Variants in FGF1 observed in about 807,000 individuals in gnomAD.
FGF1 encodes fibroblast growth factor 1.
In FGF1, 9 loss-of-function variants were observed where a neutral mutation model predicts 13.4. The observed-to-expected ratio is 0.67, with a 90% confidence interval of 0.40 to 1.17. The LOEUF (loss-of-function observed/expected upper bound fraction) is 1.17, where lower values mean the gene tolerates loss of function less well. FGF1 is among the 50% of genes most tolerant of loss of function. The pLI is 0.01. For missense variants in FGF1, 156 were observed against 192.7 expected, an observed-to-expected ratio of 0.81 and a Z score of 1.13; for synonymous variants, 93 against 79.0, an observed-to-expected ratio of 1.18 and a Z score of -0.94.
chr5:142,622,703 C>T (rs762445811), intron 1 of FGF1, among the ~76,000 whole-genome samples: 1 of 152,208 alleles, frequency 6.6e-6, no homozygotes, highest in Non-Finnish European at 1.5e-5. Context: ...TGGCAGGGCC[C>T]CACCTTCCAC....
chr5:142,630,686 T>G (rs771209961), intron 1 of FGF1, among the ~76,000 whole-genome samples: 5 of 152,154 alleles, frequency 3.3e-5, no homozygotes, highest in Non-Finnish European at 5.9e-5. Flanking sequence ...TCCATATGGC[T>G]GCCTTCCTAC....
intron 1 of FGF1, among the ~76,000 whole-genome samples, chr5:142,623,560 G>C (rs1432280848): frequency 6.6e-6 from 1 of 151,930 alleles, no homozygotes; most frequent in East Asian, 1.9e-4. Flanking sequence ...TGTTGGCCAG[G>C]CTGGTCTCAA....
intron 1 of FGF1, among the ~76,000 whole-genome samples, chr5:142,616,488 A>G (rs1226263655): frequency 6.6e-6 from 1 of 152,202 alleles, no homozygotes; most frequent in Non-Finnish European, 1.5e-5. Context: ...AATACCACAT[A>G]TATGTAATTT....
At chr5:142,618,838 C>G (rs188942970) in intron 1 of FGF1, among the ~76,000 whole-genome samples, 11 of 151,160 alleles carry the variant, frequency 7.3e-5, no homozygotes, top group African/African-American at 2.7e-4. Context: ...TTGTGCCCAG[C>G]TTGGCCCTGG....
At chr5:142,641,148 T>C (rs188379673) in intron 1 of FGF1, among the ~76,000 whole-genome samples, 1 of 152,020 alleles carries the variant, frequency 6.6e-6, no homozygotes, top group Non-Finnish European at 1.5e-5. Context: ...CCAGTGGAGA[T>C]TGGCCAGGAT....
intron 1 of FGF1, among the ~76,000 whole-genome samples, chr5:142,643,152 C>A (rs899806610): frequency 6.6e-6 from 1 of 152,294 alleles, no homozygotes; most frequent in African/African-American, 2.4e-5. Flanking sequence ...TGCCTATCAA[C>A]AGATTTGCAA....
chr5:142,667,585 C>G (rs1446905623), intron 1 of FGF1, among the ~76,000 whole-genome samples: 4 of 62,086 alleles, frequency 6.4e-5, no homozygotes, highest in Non-Finnish European at 1.1e-4. Flanking sequence ...GACTCCGTCT[C>G]AAAAAAAAAA....
chr5:142,625,734 C>T (rs1168567068), intron 1 of FGF1, among the ~76,000 whole-genome samples: 1 of 152,234 alleles, frequency 6.6e-6, no homozygotes, highest in African/African-American at 2.4e-5. Context: ...GGCAGCCCTT[C>T]GCCACCTCCT....
At chr5:142,625,313 GACACACACACACACAC>G (rs59813387) in intron 1 of FGF1, among the ~76,000 whole-genome samples, 3 of 148,292 alleles carry the variant, frequency 2.0e-5, no homozygotes, top group South Asian at 2.2e-4. Flanking sequence ...ACTACAAGCG[GACACACACACACACAC>G]ACACACACAC....
intron 1 of FGF1, among the ~76,000 whole-genome samples, chr5:142,616,669 T>G (rs541559894): frequency 6.6e-6 from 1 of 152,204 alleles, no homozygotes; most frequent in Non-Finnish European, 1.5e-5. Context: ...TTCCTGTCTC[T>G]CCACTCACTC....
intron 2 of FGF1, among the ~76,000 whole-genome samples, chr5:142,608,718 TACACACACACATATATATC>T (rs1758370829): frequency 6.8e-6 from 1 of 146,874 alleles, no homozygotes; most frequent in African/African-American, 2.5e-5. Context: ...CATATATATA[TACACACACACATATATATC>T]ATATATATAT....
intron 1 of FGF1, among the ~76,000 whole-genome samples, chr5:142,635,605 C>T (rs2151938649): frequency 6.6e-6 from 1 of 152,366 alleles, no homozygotes; most frequent in Admixed American, 6.5e-5. Context: ...CTTACCCAAG[C>T]TGCATCTTGT....
intron 1 of FGF1, chr5:142,671,932 T>C (rs2152029269): frequency 6.6e-6 from 1 of 152,334 alleles, no homozygotes. Flanking sequence ...GAATGGAATT[T>C]AAACCCAGTT....
Position 142,646,917 on chromosome 5 carries a change from A to G in FGF1, c.-34-32756T>C, listed in dbSNP as rs369980523. Among the ~76,000 whole-genome samples, 13 of 152,304 alleles carry G rather than the reference A, an allele frequency of 8.5e-5. No individual in the cohort carries two copies. In the East Asian group the frequency reaches 1.5e-3, roughly 18 times the overall value. On this transcript the variant is annotated intron_variant, in intron 1 of 3. Transcript: ENST00000337706. The stretch of plus-strand genomic sequence containing the variant: ...CCTGGCCCACTGTGAAGCAAAATGT[A>G]TTAGGATAAATCAATCGGAGTTGAA...
intron 1 of FGF1, among the ~76,000 whole-genome samples, chr5:142,617,850 A>C (rs1039800989): frequency 1.3e-5 from 2 of 152,168 alleles, no homozygotes; most frequent in African/African-American, 4.8e-5. Flanking sequence ...GTTGGTCCAA[A>C]GTTCCTTGCC....
At chr5:142,689,563 G>A (rs1407144377), upstream of FGF1, among the ~76,000 whole-genome samples, 2 of 152,112 alleles carry the variant, frequency 1.3e-5, no homozygotes, top group African/African-American at 4.8e-5. Flanking sequence ...CTTGCCCGCC[G>A]CTGGTTAGCC....
rs551852436 is a variant in FGF1, at chr5:142,663,774, C to T, written c.-35+22183G>A. On this transcript the variant is annotated intron_variant, in intron 1 of 3. Coordinates refer to ENST00000337706, the MANE Select transcript of FGF1 (RefSeq NM_000800.5). ...TTAACATGCAGGAATTCTAGAAAAC[C>T]ATTAGCGATTTGATGTGAACAGAGC... Among the ~76,000 whole-genome samples, 57 of 152,268 alleles carry T rather than the reference C, an allele frequency of 3.7e-4. No individual in the cohort carries two copies. In the South Asian group the frequency reaches 0.011, roughly 30 times the overall value.
At chr5:142,695,596 A>AAAC (rs1752985928) in intron 2 of FGF1, among the ~76,000 whole-genome samples, 1 of 151,716 alleles carries the variant, frequency 6.6e-6, no homozygotes, top group African/African-American at 2.4e-5. Flanking sequence ...AGAAAAAAAA[A>AAAC]AAAAGAAAGA....
At chr5:142,611,809 T>G (rs1382181194) in intron 2 of FGF1, among the ~76,000 whole-genome samples, 1 of 152,174 alleles carries the variant, frequency 6.6e-6, no homozygotes, top group Admixed American at 6.5e-5. Context: ...GCCCCTTGAC[T>G]TTCCTGGGTG....
Sources: allele counts gnomAD v4.1 joint callset (sites outside exome capture counted in the v4.1 genomes callset), GRCh38; gene constraint gnomAD v4.1.1; transcripts MANE v1.5; gene names NCBI Gene and HGNC (gene_info 2026-07-23, HGNC 2026-07-21).